CD96: variants seen among roughly 807,000 people sequenced by gnomAD.
CD96 encodes CD96 molecule, also known as T-cell surface protein tactile.
CD96 carries 70 observed loss-of-function variants against 71.3 expected under a neutral mutation model. The observed-to-expected ratio is 0.98, with a 90% CI of 0.81 to 1.20. CD96 has a LOEUF of 1.20. CD96 is among the 50% of genes most tolerant of loss of function. The pLI is 0.00. For missense variants in CD96, 742 were observed against 677.5 expected (o/e 1.10, Z -1.06); for synonymous variants, 248 against 233.0 (o/e 1.06, Z -0.59).
At chr3:111,582,169 G>T (rs1195524823) in intron 4 of CD96, among the ~76,000 whole-genome samples, 1 of 152,176 alleles carries the variant, frequency 6.6e-6, no homozygotes, top group East Asian at 1.9e-4. Flanking sequence ...ATTATGCAAA[G>T]AGTCATCTAG....
chr3:111,564,134 T>C (rs983851042), intron 2 of CD96, among the ~76,000 whole-genome samples: 23 of 152,172 alleles, frequency 1.5e-4, no homozygotes, highest in African/African-American at 5.3e-4. Context: ...TCTATTTTCC[T>C]ATTTTGCAGT....
rs182022324 is a variant in CD96, at chr3:111,618,581, T to C, written c.1181-5173T>C. Among the ~76,000 whole-genome samples, 326 of 141,744 alleles carry C rather than the reference T, an allele frequency of 2.3e-3. 1 individual carries two copies. The highest frequency in any genetic ancestry group is 8.5e-3 in the African/African-American group (316 of 37,060). The allele number at this position is 141,744 out of a possible 152,430, so 93.0% of individuals were successfully genotyped here. A position where few individuals can be genotyped will look rare whatever the true frequency, so the allele number is the denominator to read the frequency against. On this transcript the variant is annotated intron_variant, in intron 8 of 13. Coordinates refer to ENST00000352690, the MANE Select transcript of CD96 (RefSeq NM_005816.5). ...GAAACAATGACCAAATTTATTTCTC[T>C]CTTTTTTTTTTTTTTTTTTTTGAGA...
chr3:111,628,184 G>A (rs975144161), intron 10 of CD96, among the ~76,000 whole-genome samples: 2 of 152,322 alleles, frequency 1.3e-5, no homozygotes, highest in East Asian at 3.9e-4. Flanking sequence ...TGAGATCACT[G>A]AAATGACAGA....
intron 2 of CD96, among the ~76,000 whole-genome samples, chr3:111,550,212 A>G (rs1425488666): frequency 1.3e-5 from 2 of 152,208 alleles, no homozygotes; most frequent in Admixed American, 6.5e-5. Context: ...ATTTTAAAAC[A>G]TGAAGTTTTT....
chr3:111,646,540 TAA>T (rs60291711), intron 12 of CD96, among the ~76,000 whole-genome samples: 23 of 132,220 alleles, frequency 1.7e-4, no homozygotes, highest in East Asian at 6.3e-4. Flanking sequence ...TACTGAAAAG[TAA>T]AAAAAAAAAA....
intron 10 of CD96, among the ~76,000 whole-genome samples, chr3:111,629,695 A>G (rs557075516): frequency 1.3e-5 from 2 of 152,308 alleles, no homozygotes; most frequent in Admixed American, 6.5e-5. Flanking sequence ...TCTTTACCCA[A>G]AAACAACAGA....
chr3:111,593,686 C>A, intron 5 of CD96: 1 of 1,613,092 alleles, frequency 6.2e-7, no homozygotes, highest in Non-Finnish European at 8.5e-7. Context: ...TTTCCACAGC[C>A]CTCTCCCGCC....
At chr3:111,552,594 C>A (rs1934772716) in intron 2 of CD96, among the ~76,000 whole-genome samples, 1 of 147,420 alleles carries the variant, frequency 6.8e-6, no homozygotes, top group African/African-American at 2.7e-5. Flanking sequence ...TCAACTCTAC[C>A]ACTGTTGCAT....
chr3:111,594,280 T>G (rs1937151935), intron 5 of CD96: 1 of 1,487,138 alleles, frequency 6.7e-7, no homozygotes, highest in African/African-American at 1.4e-5. Flanking sequence ...ATTAAATATA[T>G]ATTTGGGAAG....
chr3:111,619,465 G>A (rs71315880), intron 8 of CD96, among the ~76,000 whole-genome samples: 6,246 of 152,236 alleles, frequency 0.041, 178 homozygotes, highest in Middle Eastern at 0.065. Flanking sequence ...ATACTTGCAA[G>A]ATTTGATAAT....
intron 10 of CD96, among the ~76,000 whole-genome samples, chr3:111,635,266 T>TC (rs1027253498): frequency 3.9e-5 from 6 of 152,198 alleles, no homozygotes; most frequent in African/African-American, 1.2e-4. Flanking sequence ...AACGGGAAAC[T>TC]CCATTTTCTT....
chr3:111,554,946 A>G (rs781641779), intron 2 of CD96, among the ~76,000 whole-genome samples: 8 of 152,028 alleles, frequency 5.3e-5, no homozygotes, highest in Non-Finnish European at 1.0e-4. Flanking sequence ...GGAGCACACA[A>G]CCTAGATCCC....
chr3:111,543,259 C>T (rs1175306800), intron 1 of CD96, among the ~76,000 whole-genome samples: 1 of 152,130 alleles, frequency 6.6e-6, no homozygotes, highest in Non-Finnish European at 1.5e-5. Flanking sequence ...TAATATATAT[C>T]ATTTCTGTAA....
intron 4 of CD96, among the ~76,000 whole-genome samples, chr3:111,581,946 A>C (rs552431004): frequency 6.6e-6 from 1 of 152,310 alleles, no homozygotes; most frequent in South Asian, 2.1e-4. Context: ...GGAAGATAAG[A>C]AAATGTACAA....
intron 3 of CD96, among the ~76,000 whole-genome samples, chr3:111,568,133 C>T (rs944533669): frequency 7.2e-5 from 11 of 152,254 alleles, no homozygotes; most frequent in African/African-American, 2.2e-4. Flanking sequence ...GTATATGAGA[C>T]GAGCAGGCCT....
At chr3:111,616,831 G>A (rs981774862) in intron 8 of CD96, among the ~76,000 whole-genome samples, 1 of 152,138 alleles carries the variant, frequency 6.6e-6, no homozygotes, top group African/African-American at 2.4e-5. Flanking sequence ...CAAGGCAGGA[G>A]CCCTGGGCTT....
chr3:111,579,882 T>G (rs527714850), intron 4 of CD96, among the ~76,000 whole-genome samples: 1 of 152,326 alleles, frequency 6.6e-6, no homozygotes, highest in Admixed American at 6.5e-5. Context: ...GAGTGGACAT[T>G]CAAACCATAA....
Position 111,608,009 on chromosome 3 carries a change from A to G in CD96, c.1180+1217A>G, listed in dbSNP as rs9874693. Among the ~76,000 whole-genome samples the G allele has an allele frequency of 8.0e-3, 1,189 of 148,952 alleles. 12 individuals carry two copies. The highest frequency in any genetic ancestry group is 0.028 in the African/African-American group (1,122 of 40,744). ...AAAATGCCCCAAATTTTAGCAAAAC[A>G]TATATTGTCGCATATGGTTTCTGGG... On this transcript the variant is annotated intron_variant, in intron 8 of 13. Coordinates refer to ENST00000352690, the MANE Select transcript of CD96 (RefSeq NM_005816.5).
At chr3:111,577,567 G>C (rs377412648) in intron 3 of CD96, 21 of 1,519,634 alleles carry the variant, frequency 1.4e-5, no homozygotes, top group Non-Finnish European at 1.8e-5. Context: ...AATTGCTGCA[G>C]GAAAAAGAAT....
Sources: allele counts gnomAD v4.1 joint callset (sites outside exome capture counted in the v4.1 genomes callset), GRCh38; gene constraint gnomAD v4.1.1; transcripts MANE v1.5; gene names NCBI Gene and HGNC (gene_info 2026-07-23, HGNC 2026-07-21).